Variants in KCNQ1OT1 observed in about 807,000 individuals in gnomAD.
KCNQ1OT1 encodes the protein KCNQ1 antisense RNA 2 (non-protein coding).
At chr11:2,633,962 T>C in exon 1 of KCNQ1OT1, 2 of 398,626 alleles carry the variant, frequency 5.0e-6, no homozygotes, top group Non-Finnish European at 8.8e-6. Flanking sequence ...AATGAACCTA[T>C]ACAGTTCAAA....
exon 1 of KCNQ1OT1, chr11:2,699,745 C>A (rs1386894981): frequency 1.1e-5 from 4 of 352,350 alleles, no homozygotes; most frequent in Non-Finnish European, 1.9e-5. Context: ...CGCCGAGGAG[C>A]CCCCAGAAGA....
In KCNQ1OT1 at chr11:2,664,047, A is replaced by T. The variant is rs981014747; in HGVS notation, n.35948T>A. 2 of 398,594 alleles carry T rather than the reference A, an allele frequency of 5.0e-6. No homozygotes were observed. The highest frequency in any genetic ancestry group is 8.8e-6 in the Non-Finnish European group (2 of 226,118). 24.7% of individuals were successfully genotyped at this position (398,594 alleles called of 1,614,324 possible). ...GATCCTGCAGCCTTTTCAGGTTGGC[A>T]CTCCCATGGCCTCCAGTGATAAGTG... On this transcript the variant is annotated non_coding_transcript_exon_variant, in exon 1 of 1. Transcript: ENST00000597346. This position sits in a 1 kb window ranked among gnomAD's most constrained non-coding sequence, Gnocchi z 5.1.
At chr11:2,610,745 T>TTTTTTTTTGA in exon 1 of KCNQ1OT1, 1 of 356,168 alleles carries the variant, frequency 2.8e-6, no homozygotes, top group Non-Finnish European at 4.8e-6. Flanking sequence ...TTTTTTTTTT[T>TTTTTTTTTGA]ACTTTGAGCA....
At chr11:2,686,571 T>C (rs904494285) in exon 1 of KCNQ1OT1, 2 of 398,698 alleles carry the variant, frequency 5.0e-6, no homozygotes, top group Non-Finnish European at 8.8e-6. Flanking sequence ...AGGACAGCTG[T>C]GGTGACTAGA....
At chr11:2,630,943 C>T (rs1463256187) in exon 1 of KCNQ1OT1, 2 of 398,372 alleles carry the variant, frequency 5.0e-6, no homozygotes, top group African/African-American at 4.1e-5. Flanking sequence ...CTCAGAAATC[C>T]ACTGATAGCC....
rs1051210159 is a variant in KCNQ1OT1, at chr11:2,698,551, C to T, written n.1444G>A. 5.0e-6 allele frequency: 2 copies of T among 398,416 alleles called. No homozygotes were observed. Among genetic ancestry groups the T allele is most frequent in the East Asian group, 7.1e-5 (2 of 28,074 alleles). The allele number at this position is 398,416 out of a possible 1,614,324, so 24.7% of individuals were successfully genotyped here. ...CCAACTCAGACTGCAACCTTTACTT[C>T]GCCCCCTAATTCCTGACTCAGAATC... On this transcript the variant is annotated non_coding_transcript_exon_variant, in exon 1 of 1. Coordinates refer to ENST00000597346, the Ensembl canonical transcript of KCNQ1OT1. This position sits in a 1 kb window ranked among gnomAD's most constrained non-coding sequence, Gnocchi z 5.1.
chr11:2,615,005 T>G, exon 1 of KCNQ1OT1: 1 of 398,468 alleles, frequency 2.5e-6, no homozygotes, highest in Non-Finnish European at 4.4e-6. Flanking sequence ...TTAACAATAT[T>G]TAATCTTCCA....
chr11:2,668,286 G>A lies in KCNQ1OT1; in HGVS notation n.31709C>T. The A allele has an allele frequency of 2.5e-6, 1 of 398,624 alleles. No individual in the cohort carries two copies. Among genetic ancestry groups the A allele is most frequent in the Non-Finnish European group, 4.4e-6 (1 of 226,090 alleles). 24.7% of individuals were successfully genotyped at this position (398,624 alleles called of 1,614,324 possible). ...TAAGAATATTCTGTACATGCTTTTG[G>A]TGAGCATCAGGTTGCGTTTCTGGGG... On this transcript the variant is annotated non_coding_transcript_exon_variant, in exon 1 of 1. Transcript: ENST00000597346. The surrounding 1 kb of genome is among the most constrained non-coding windows in gnomAD (Gnocchi z 4.3).
At position 2,626,672 on chromosome 11, in the gene KCNQ1OT1, G is replaced by C. The variant is rs1378248260; in HGVS notation, n.73323C>G. Reference sequence around the variant, plus strand: ...GCTTCTTGAGTAGCTGGGAATAGAAGTGTGTACCATTACACCTGGCCAATT... The same window carrying C: ...GCTTCTTGAGTAGCTGGGAATAGAACTGTGTACCATTACACCTGGCCAATT... On this transcript the variant is annotated non_coding_transcript_exon_variant, in exon 1 of 1. Transcript: ENST00000597346. This position sits in a 1 kb window ranked among gnomAD's most constrained non-coding sequence, Gnocchi z 4.0. 1.0e-5 allele frequency: 4 copies of C among 398,536 alleles called. No homozygotes were observed. The highest frequency in any genetic ancestry group is 1.8e-5 in the Non-Finnish European group (4 of 226,088). 24.7% of individuals were successfully genotyped at this position (398,536 alleles called of 1,614,324 possible).
chr11:2,693,130 A>G (rs1197690319), exon 1 of KCNQ1OT1: 6 of 398,528 alleles, frequency 1.5e-5, no homozygotes, highest in Non-Finnish European at 2.7e-5. Flanking sequence ...CTTTCTGTCA[A>G]TCACCAGATA....
chr11:2,613,763 G>C lies in KCNQ1OT1; in HGVS notation n.86232C>G. On this transcript the variant is annotated non_coding_transcript_exon_variant, in exon 1 of 1. Coordinates refer to ENST00000597346, the Ensembl canonical transcript of KCNQ1OT1. The surrounding 1 kb of genome is among the most constrained non-coding windows in gnomAD (Gnocchi z 4.8). ...AATACTAAACAAAAGGAGCTACTGA[G>C]AGAAATCTTCCTCTCACCCATATCT... 7.5e-6 allele frequency: 3 copies of C among 398,400 alleles called. No homozygotes were observed. Among genetic ancestry groups the C allele is most frequent in the Non-Finnish European group, 1.3e-5 (3 of 226,008 alleles). 24.7% of individuals were successfully genotyped at this position (398,400 alleles called of 1,614,324 possible).
At chr11:2,629,117 T>G (rs1849309932) in exon 1 of KCNQ1OT1, 1 of 398,162 alleles carries the variant, frequency 2.5e-6, no homozygotes, top group African/African-American at 2.1e-5. Flanking sequence ...TTTTTGTCTA[T>G]ATCTGTGAAA....
exon 1 of KCNQ1OT1, chr11:2,689,001 G>T: frequency 5.0e-6 from 2 of 398,744 alleles, no homozygotes; most frequent in Admixed American, 8.8e-5. Context: ...GAGCCTGCAG[G>T]TCCCTGGGTT....
chr11:2,660,496 C>T (rs555572025), exon 1 of KCNQ1OT1: 8 of 398,566 alleles, frequency 2.0e-5, no homozygotes, highest in African/African-American at 1.6e-4. Context: ...ATCTATGCCT[C>T]ATATAACAAG....
chr11:2,682,161 T>C lies in KCNQ1OT1; in HGVS notation n.17834A>G, dbSNP rs917927269. The C allele has an allele frequency of 5.0e-6, 2 of 398,502 alleles. No individual in the cohort carries two copies. Among genetic ancestry groups the C allele is most frequent in the Admixed American group, 8.8e-5 (2 of 22,722 alleles). 24.7% of individuals were successfully genotyped at this position (398,502 alleles called of 1,614,324 possible). ...TCAAATATTCTTTCAGTATTAAACA[T>C]ATCAAGCTCTCTCCTGACCTTCTCT... is the stretch of plus-strand genomic sequence containing the variant. On this transcript the variant is annotated non_coding_transcript_exon_variant, in exon 1 of 1. Transcript: ENST00000597346. This position sits in a 1 kb window ranked among gnomAD's most constrained non-coding sequence, Gnocchi z 5.8.
chr11:2,641,858 T>A (rs1119488), exon 1 of KCNQ1OT1: 356,439 of 398,370 alleles, frequency 0.89, 159,717 homozygotes, highest in East Asian at 0.99. Context: ...ATGGATATCT[T>A]ATTTTCCCAG....
rs181628430 is a variant in KCNQ1OT1, at chr11:2,658,803, C to T, written n.41192G>A. On this transcript the variant is annotated non_coding_transcript_exon_variant, in exon 1 of 1. Transcript: ENST00000597346. This position sits in a 1 kb window ranked among gnomAD's most constrained non-coding sequence, Gnocchi z 4.9. ...ACCAGAGTTCATCCTTGCCCCCTCC[C>T]CCACAACTTATTTATAGCTTTTTCT... 1.3e-3 allele frequency: 503 copies of T among 398,548 alleles called. 2 individuals are homozygous for T. Among genetic ancestry groups the T allele is most frequent in the Admixed American group, 2.1e-3 (48 of 22,722 alleles). 24.7% of individuals were successfully genotyped at this position (398,548 alleles called of 1,614,324 possible).
At position 2,621,179 on chromosome 11, in the gene KCNQ1OT1, T is replaced by C. The variant is rs1403799190; in HGVS notation, n.78816A>G. On this transcript the variant is annotated non_coding_transcript_exon_variant, in exon 1 of 1. Transcript: ENST00000597346. This position sits in a 1 kb window ranked among gnomAD's most constrained non-coding sequence, Gnocchi z 5.7. ...TTTTAGTAGAGACGGGGTTTCACCA[T>C]GTTGGCCAGGATGGTCTCGAATACC... The C allele has an allele frequency of 2.5e-6, 1 of 397,464 alleles. No homozygotes were observed. The highest frequency in any genetic ancestry group is 4.4e-6 in the Non-Finnish European group (1 of 226,026). The allele number at this position is 397,464 out of a possible 1,614,324, so 24.6% of individuals were successfully genotyped here. A position where few individuals can be genotyped will look rare whatever the true frequency, so the allele number is the denominator to read the frequency against.
At chr11:2,662,759 C>A (rs1450302128) in exon 1 of KCNQ1OT1, 2 of 399,242 alleles carry the variant, frequency 5.0e-6, no homozygotes, top group African/African-American at 4.1e-5. Context: ...TGGCTGCTAA[C>A]CCGTTGGGGA....
Sources: gnomAD v4.1 joint callset for allele counts on GRCh38, gnomAD v4.1.1 for gene constraint, Gnocchi (gnomAD v3.1) non-coding constraint, MANE v1.5 for transcripts, NCBI Gene and HGNC (gene_info 2026-07-23, HGNC 2026-07-21) for gene names.